PDS5A: variants seen among roughly 807,000 people sequenced by gnomAD.
PDS5A encodes PDS5 cohesin associated factor A.
A neutral mutation model predicts 167.1 loss-of-function variants in PDS5A; 42 were observed. The ratio of observed to expected loss-of-function variants is 0.25; its 90% CI spans 0.20 to 0.33. The LOEUF is 0.33. PDS5A is among the 10% of genes least tolerant of loss of function. The probability of loss-of-function intolerance (pLI) is 1.00; values close to 1 mark genes in which losing one functional copy is unlikely to be tolerated. For synonymous variants in PDS5A, 553 were observed against 554.6 expected, an observed-to-expected ratio of 1.00 and a Z score of 0.04; for missense variants, 1,033 against 1,605.9, an observed-to-expected ratio of 0.64 and a Z score of 6.10.
intron 2 of PDS5A, among the ~76,000 whole-genome samples, chr4:39,940,206 G>A (rs905984321): frequency 8.6e-5 from 13 of 151,964 alleles, no homozygotes; most frequent in Non-Finnish European, 1.6e-4. Context: ...ATGACAGAGC[G>A]AGACCCTGTC....
chr4:39,853,059 G>A (rs1718246038), intron 26 of PDS5A, among the ~76,000 whole-genome samples: 1 of 152,088 alleles, frequency 6.6e-6, no homozygotes, highest in South Asian at 2.1e-4. Flanking sequence ...GGGACTGCAG[G>A]GACTGAGTAG....
intron 2 of PDS5A, among the ~76,000 whole-genome samples, chr4:39,938,592 TAAC>T (rs1430310073): frequency 6.6e-6 from 1 of 152,088 alleles, no homozygotes; most frequent in Non-Finnish European, 1.5e-5. Context: ...GTTTTTATTT[TAAC>T]AACAGCAATG....
Position 39,848,834 on chromosome 4 carries a change from G to T in PDS5A, c.3339+17C>A. On this transcript the variant is annotated intron_variant, in intron 28 of 32. Transcript: ENST00000303538. ...ATCAGTTTAGTGTGGTAGGAAAAAT[G>T]AGAGGAAGAAAATTACCTTTTCAGG... The T allele has an allele frequency of 6.4e-7, 1 of 1,565,610 alleles. No homozygotes were observed. Among genetic ancestry groups the T allele is most frequent in the South Asian group, 1.2e-5 (1 of 85,368 alleles).
rs34277222 is a variant in PDS5A, at chr4:39,926,518, CA to C, written c.429+256del. Among the ~76,000 whole-genome samples the C allele has an allele frequency of 9.4e-4, 103 of 109,138 alleles. No homozygotes were observed. The Middle Eastern group carries it at 0.016, about 17-fold the overall frequency. The allele number at this position is 109,138 out of a possible 152,430, so 71.6% of individuals were successfully genotyped here. ...TGGCAACAAGAGTGAAACTACGTCTCAAAAAAAAAAAAAGAAAGAAATAGAT... is the reference window on the plus strand; with the variant it reads ...TGGCAACAAGAGTGAAACTACGTCTCAAAAAAAAAAAAGAAAGAAATAGAT... On this transcript the variant is annotated intron_variant, in intron 4 of 32. Coordinates refer to ENST00000303538, the MANE Select transcript of PDS5A (RefSeq NM_001100399.2).
chr4:39,849,714 T>C lies in PDS5A; in HGVS notation c.3087-62A>G, dbSNP rs1055392557. The C allele has an allele frequency of 4.5e-6, 5 of 1,120,494 alleles. No individual in the cohort carries two copies. The African/African-American group carries it at 7.7e-5, about 17-fold the overall frequency. 69.4% of individuals were successfully genotyped at this position (1,120,494 alleles called of 1,614,324 possible). ...AGATGCTTTAGCTTAAAGCAATAAATATGTTAGCTGGGAATTTCTGTTGTC... is the reference window on the plus strand; with the variant it reads ...AGATGCTTTAGCTTAAAGCAATAAACATGTTAGCTGGGAATTTCTGTTGTC... On this transcript the variant is annotated intron_variant, in intron 26 of 32. Coordinates refer to ENST00000303538, the MANE Select transcript of PDS5A (RefSeq NM_001100399.2).
At chr4:39,901,266 CTTT>C (rs772230554) in intron 13 of PDS5A, among the ~76,000 whole-genome samples, 6 of 121,286 alleles carry the variant, frequency 4.9e-5, no homozygotes, top group Admixed American at 1.8e-4. Flanking sequence ...TCTTTTCTTT[CTTT>C]TTTTTTTTTT....
At chr4:39,917,017 A>T (rs749760994) in intron 8 of PDS5A, 31 bp downstream of exon 8, 6,513 of 1,132,108 alleles carry the variant, frequency 5.8e-3, no homozygotes, top group South Asian at 0.012. Context: ...AAAAAAATTA[A>T]AAAAAAAAAA....
chr4:39,954,782 G>C (rs996907494), intron 2 of PDS5A, among the ~76,000 whole-genome samples: 1 of 151,444 alleles, frequency 6.6e-6, no homozygotes, highest in African/African-American at 2.4e-5. Context: ...CCTCATGCCT[G>C]TTAATAGGCA....
intron 8 of PDS5A, 133 bp from the exon 9 acceptor site, chr4:39,913,859 C>T (rs1401242477): frequency 6.4e-6 from 4 of 622,078 alleles, no homozygotes; most frequent in Admixed American, 2.8e-5. Context: ...TATCATATGT[C>T]CTCACTTACT....
At chr4:39,920,857 C>T (rs955626886) in intron 6 of PDS5A, among the ~76,000 whole-genome samples, 1 of 152,088 alleles carries the variant, frequency 6.6e-6, no homozygotes, top group African/African-American at 2.4e-5. Context: ...AAATAAAAAG[C>T]GTTCTTGATC....
chr4:39,886,541 C>G (rs1410252824), intron 17 of PDS5A, among the ~76,000 whole-genome samples: 1 of 151,838 alleles, frequency 6.6e-6, no homozygotes. Flanking sequence ...TGGAGAAACC[C>G]CATCTCTACT....
chr4:39,955,556 A>G (rs898193920), intron 2 of PDS5A, among the ~76,000 whole-genome samples: 23 of 151,682 alleles, frequency 1.5e-4, no homozygotes, highest in Non-Finnish European at 2.9e-4. Flanking sequence ...AGCTGAGATC[A>G]TGCTACTGTG....
intron 19 of PDS5A, among the ~76,000 whole-genome samples, chr4:39,876,405 G>A (rs1453909430): frequency 6.6e-6 from 1 of 152,124 alleles, no homozygotes; most frequent in African/African-American, 2.4e-5. Context: ...CTTGTTCTAT[G>A]ATTATCATGT....
intron 26 of PDS5A, among the ~76,000 whole-genome samples, chr4:39,858,623 T>C (rs567142293): frequency 1.3e-5 from 2 of 152,244 alleles, no homozygotes; most frequent in East Asian, 1.9e-4. Context: ...GAAAATGCAG[T>C]AAAATTTTCT....
chr4:39,922,883 C>A lies in PDS5A; in HGVS notation c.528-135G>T. Reference sequence around the variant, plus strand: ...AAGGATTTTCACTTGAGGGACAGTGCCAATAATGGCAGAGAAATTTTGGCT... The same window carrying A: ...AAGGATTTTCACTTGAGGGACAGTGACAATAATGGCAGAGAAATTTTGGCT... On this transcript the variant is annotated intron_variant, in intron 5 of 32. Transcript: ENST00000303538. The A allele has an allele frequency of 1.9e-6, 2 of 1,079,006 alleles. 1 individual carries two copies. The highest frequency in any genetic ancestry group is 6.9e-4 in the Middle Eastern group (2 of 2,914). The allele number at this position is 1,079,006 out of a possible 1,614,324, so 66.8% of individuals were successfully genotyped here. A position where few individuals can be genotyped will look rare whatever the true frequency, so the allele number is the denominator to read the frequency against.
intron 32 of PDS5A, among the ~76,000 whole-genome samples, chr4:39,827,929 C>T (rs1715466507): frequency 2.0e-5 from 3 of 152,134 alleles, no homozygotes; most frequent in Admixed American, 2.0e-4. Context: ...CTATTCAGAA[C>T]ATATTTTCAA....
At chr4:39,861,000 G>A (rs917706670) in intron 26 of PDS5A, among the ~76,000 whole-genome samples, 12 of 151,430 alleles carry the variant, frequency 7.9e-5, no homozygotes, top group Non-Finnish European at 1.6e-4. Context: ...AGGAGGTCAA[G>A]GTACAATGAG....
chr4:39,863,913 G>A (rs1220371353), intron 23 of PDS5A, among the ~76,000 whole-genome samples: 1 of 152,090 alleles, frequency 6.6e-6, no homozygotes, highest in Non-Finnish European at 1.5e-5. Context: ...GACGGATCAC[G>A]AGGTCAAGAG....
intron 2 of PDS5A, among the ~76,000 whole-genome samples, chr4:39,966,126 T>C (rs1388592834): frequency 1.3e-5 from 2 of 152,156 alleles, no homozygotes; most frequent in Admixed American, 1.3e-4. Context: ...AAATCTTGCC[T>C]CCCCATTTAA....
Sources: allele counts gnomAD v4.1 joint callset (sites outside exome capture counted in the v4.1 genomes callset), GRCh38; gene constraint gnomAD v4.1.1; transcripts MANE v1.5; gene names NCBI Gene and HGNC (gene_info 2026-07-23, HGNC 2026-07-21).